PARVB: variants seen among roughly 807,000 people sequenced by gnomAD.
The protein encoded by PARVB is beta-parvin.
PARVB carries 46 observed loss-of-function variants against 47.0 expected under a neutral mutation model. That is an observed-to-expected ratio of 0.98 (90% CI 0.77 to 1.25). The LOEUF is 1.25. PARVB is among the 50% of genes most tolerant of loss of function. The probability of loss-of-function intolerance (pLI) is 0.00; values close to 1 mark genes in which losing one functional copy is unlikely to be tolerated. For missense variants in PARVB, 473 were observed against 471.6 expected (o/e 1.00, Z -0.03); for synonymous variants, 196 against 196.3 (o/e 1.00, Z 0.01).
chr22:44,147,790 G>A, intron 8 of PARVB, 71 bp from the exon 9 acceptor site: 1 of 1,256,620 alleles, frequency 8.0e-7, no homozygotes, highest in Non-Finnish European at 1.2e-6. Context: ...GAAGCTGGCA[G>A]GGCCCTGGAT....
intron 12 of PARVB, among the ~76,000 whole-genome samples, chr22:44,165,350 C>T (rs951384794): frequency 2.0e-5 from 3 of 152,280 alleles, no homozygotes; most frequent in Middle Eastern, 3.4e-3. Flanking sequence ...CCCTGCATGC[C>T]GGTGCTGAGA....
chr22:44,086,441 C>G (rs368107907), intron 1 of PARVB, among the ~76,000 whole-genome samples: 8 of 152,206 alleles, frequency 5.3e-5, no homozygotes, highest in African/African-American at 1.9e-4. Context: ...ATCCCAAGAA[C>G]CTTGGAGATT....
At chr22:44,017,987 T>G (rs1187300115) in intron 2 of PARVB, among the ~76,000 whole-genome samples, 2 of 152,088 alleles carry the variant, frequency 1.3e-5, no homozygotes, top group African/African-American at 4.8e-5. Flanking sequence ...GTCTGTCCCA[T>G]GCACCAGATT....
At chr22:44,114,338 C>G (rs2052802179) in intron 3 of PARVB, 1 of 146,978 alleles carries the variant, frequency 6.8e-6, no homozygotes, top group South Asian at 2.1e-4. Flanking sequence ...TTACTAAAGC[C>G]TTGCACCAAC....
intron 1 of PARVB, among the ~76,000 whole-genome samples, chr22:44,072,194 C>A (rs568820582): frequency 6.6e-6 from 1 of 152,182 alleles, no homozygotes; most frequent in African/African-American, 2.4e-5. Context: ...ATCTGTAGAA[C>A]CCTCCCTACC....
intron 1 of PARVB, among the ~76,000 whole-genome samples, chr22:44,072,485 G>A (rs1460618911): frequency 6.6e-6 from 1 of 152,164 alleles, no homozygotes; most frequent in Admixed American, 6.5e-5. Context: ...CTGTTGCCCA[G>A]GCTGGAGTGC....
At chr22:44,092,122 T>G (rs1175138519) in intron 1 of PARVB, among the ~76,000 whole-genome samples, 1 of 151,518 alleles carries the variant, frequency 6.6e-6, no homozygotes, top group Non-Finnish European at 1.5e-5. Context: ...ATTTCCACTC[T>G]TTTTTTTGAG....
At chr22:44,080,274 T>C (rs2051870878) in intron 1 of PARVB, among the ~76,000 whole-genome samples, 1 of 152,238 alleles carries the variant, frequency 6.6e-6, no homozygotes, top group African/African-American at 2.4e-5. Context: ...CCCAGTGGTT[T>C]AAACCAACAC....
intron 2 of PARVB, among the ~76,000 whole-genome samples, chr22:44,094,578 C>T (rs531055030): frequency 6.2e-5 from 9 of 145,922 alleles, no homozygotes; most frequent in Non-Finnish European, 1.2e-4. Context: ...CAGCCTTTAC[C>T]GTCCAGGTTC....
intron 1 of PARVB, among the ~76,000 whole-genome samples, chr22:44,085,642 G>C (rs896678283): frequency 6.6e-6 from 1 of 152,200 alleles, no homozygotes; most frequent in African/African-American, 2.4e-5. Context: ...TCAACACCAT[G>C]CTATGTATTG....
intron 1 of PARVB, among the ~76,000 whole-genome samples, chr22:44,078,709 G>A (rs1041438187): frequency 6.6e-6 from 1 of 152,110 alleles, no homozygotes; most frequent in Non-Finnish European, 1.5e-5. Context: ...GACAGATGGA[G>A]TAGAATATAG....
chr22:44,042,055 G>A (rs912264865), intron 1 of PARVB, among the ~76,000 whole-genome samples: 4 of 152,158 alleles, frequency 2.6e-5, no homozygotes, highest in African/African-American at 9.7e-5. Flanking sequence ...CCAGGGGCTG[G>A]GTTGGTGGTG....
chr22:44,078,179 G>A (rs2051820530), intron 1 of PARVB, among the ~76,000 whole-genome samples: 1 of 152,172 alleles, frequency 6.6e-6, no homozygotes. Flanking sequence ...AAGCTACTGT[G>A]TTGAACTGGC....
intron 7 of PARVB, chr22:44,139,377 T>G (rs2053504590): frequency 6.5e-6 from 1 of 152,674 alleles, no homozygotes; most frequent in African/African-American, 2.4e-5. Context: ...TAATTTTGTA[T>G]TTTTCTTAGA....
chr22:44,003,998 A>T (rs1252154832), intron 2 of PARVB, among the ~76,000 whole-genome samples: 3 of 152,178 alleles, frequency 2.0e-5, no homozygotes, highest in Non-Finnish European at 2.9e-5. Flanking sequence ...TTCTGTTTGG[A>T]GAACTTTGCC....
chr22:44,086,716 G>A (rs2052032670), intron 1 of PARVB: 1 of 981,662 alleles, frequency 1.0e-6, no homozygotes, highest in Admixed American at 6.2e-5. Context: ...AAGTACAACT[G>A]GACTTATTTT....
chr22:44,164,410 C>T (rs984752363), intron 12 of PARVB, among the ~76,000 whole-genome samples: 1 of 12,230 alleles, frequency 8.2e-5, no homozygotes, highest in Non-Finnish European at 1.3e-4. Flanking sequence ...GCTTCCCTGT[C>T]CCCCCCCCGG....
chr22:44,119,594 G>GAA (rs2052995177), intron 4 of PARVB, among the ~76,000 whole-genome samples: 1 of 152,222 alleles, frequency 6.6e-6, no homozygotes, highest in Admixed American at 6.5e-5. Context: ...GCTGGGTGAA[G>GAA]GCAGTTTAGT....
intron 3 of PARVB, among the ~76,000 whole-genome samples, chr22:44,117,645 C>T (rs965324962): frequency 1.3e-5 from 2 of 152,054 alleles, no homozygotes; most frequent in South Asian, 2.1e-4. Context: ...GTGTCAGGTT[C>T]GATATTTTTA....
Sources: gnomAD v4.1 joint callset for allele counts (sites outside exome capture counted in the v4.1 genomes callset) on GRCh38, gnomAD v4.1.1 for gene constraint, MANE v1.5 for transcripts, NCBI Gene and HGNC (gene_info 2026-07-23, HGNC 2026-07-21) for gene names.